Variants in CD1B observed in about 807,000 individuals in gnomAD.
CD1B encodes CD1b molecule.
CD1B carries 43 observed loss-of-function variants against 39.8 expected under a neutral mutation model. The ratio of observed to expected loss-of-function variants is 1.08; its 90% CI spans 0.85 to 1.39. The LOEUF is 1.39. Among genes scored for constraint, CD1B ranks in the 40% most tolerant of loss-of-function variants. The pLI is 0.00. For missense variants in CD1B, 495 were observed against 403.8 expected, an observed-to-expected ratio of 1.23 and a Z score of -1.94; for synonymous variants, 192 against 152.5, an observed-to-expected ratio of 1.26 and a Z score of -1.91.
At chr1:158,291,865 G>A in the CD1B span, among the ~76,000 whole-genome samples, 1 of 151,634 alleles carries the variant, frequency 6.6e-6, no homozygotes, top group East Asian at 1.9e-4. Flanking sequence ...CATCTTCCTT[G>A]GCCACTTTTT....
the CD1B span, among the ~76,000 whole-genome samples, chr1:158,295,693 T>A: frequency 3.3e-5 from 5 of 151,824 alleles, no homozygotes; most frequent in African/African-American, 9.7e-5. Flanking sequence ...CCCCACCCCA[T>A]GTCTGCTGGC....
the CD1B span, among the ~76,000 whole-genome samples, chr1:158,320,693 G>A: frequency 6.6e-6 from 1 of 151,704 alleles, no homozygotes; most frequent in African/African-American, 2.4e-5. Flanking sequence ...CCCTCCATAG[G>A]TTTTTGTGTG....
the CD1B span, among the ~76,000 whole-genome samples, chr1:158,295,628 C>A: frequency 6.6e-6 from 1 of 152,106 alleles, no homozygotes; most frequent in Admixed American, 6.5e-5. Flanking sequence ...GACTATCAGA[C>A]CTGGACAGAA....
At chr1:158,317,552 C>G in the CD1B span, among the ~76,000 whole-genome samples, 1 of 152,100 alleles carries the variant, frequency 6.6e-6, no homozygotes. Flanking sequence ...ATTCTTCTCT[C>G]TTTTTTTCTT....
chr1:158,293,420 T>A, the CD1B span: 1 of 1,612,002 alleles, frequency 6.2e-7, no homozygotes, highest in Non-Finnish European at 8.5e-7. Context: ...ACCTCCAACT[T>A]ATTCAGGGTT....
At chr1:158,305,281 A>G in the CD1B span, among the ~76,000 whole-genome samples, 1 of 152,218 alleles carries the variant, frequency 6.6e-6, no homozygotes, top group East Asian at 1.9e-4. Flanking sequence ...AGAGAACTAC[A>G]TGATGAATAA....
chr1:158,303,993 G>A, the CD1B span, among the ~76,000 whole-genome samples: 26 of 152,122 alleles, frequency 1.7e-4, no homozygotes. Flanking sequence ...AACAGCTCTA[G>A]TCTAGAGCTC....
At chr1:158,288,264 T>C in the CD1B span, among the ~76,000 whole-genome samples, 1 of 152,196 alleles carries the variant, frequency 6.6e-6, no homozygotes, top group Non-Finnish European at 1.5e-5. Context: ...GAAGAGCTCA[T>C]TGAGAATGAC....
the CD1B span, among the ~76,000 whole-genome samples, chr1:158,316,836 A>G: frequency 2.0e-5 from 3 of 151,964 alleles, no homozygotes; most frequent in South Asian, 2.1e-4. Flanking sequence ...CGTCCCATCA[A>G]TACCTAATTT....
the CD1B span, among the ~76,000 whole-genome samples, chr1:158,317,326 G>C: frequency 6.6e-6 from 1 of 152,102 alleles, no homozygotes; most frequent in Non-Finnish European, 1.5e-5. Flanking sequence ...ATTGATTATT[G>C]CCACAATTTC....
chr1:158,298,821 G>A, the CD1B span, among the ~76,000 whole-genome samples: 8 of 152,246 alleles, frequency 5.3e-5, no homozygotes, highest in Non-Finnish European at 8.8e-5. Flanking sequence ...CTGTTTGTCT[G>A]TTATTGGTGT....
chr1:158,319,055 C>T, the CD1B span, among the ~76,000 whole-genome samples: 1 of 151,886 alleles, frequency 6.6e-6, no homozygotes, highest in South Asian at 2.1e-4. Flanking sequence ...ATGGGCTTCC[C>T]TTTGAGGGTA....
chr1:158,330,243 G>T, intron 2 of CD1B, 113 bp from the exon 3 acceptor site: 1 of 935,520 alleles, frequency 1.1e-6, no homozygotes, highest in Non-Finnish European at 1.6e-6. Context: ...GGTGTAAAAT[G>T]ATGATGAGCT....
chr1:158,307,203 AAG>A, the CD1B span, among the ~76,000 whole-genome samples: 1 of 152,208 alleles, frequency 6.6e-6, no homozygotes, highest in African/African-American at 2.4e-5. Context: ...TACAGAAGAA[AAG>A]AGAGCAGAAT....
the CD1B span, among the ~76,000 whole-genome samples, chr1:158,301,142 G>C: frequency 6.6e-6 from 1 of 151,726 alleles, no homozygotes; most frequent in Non-Finnish European, 1.5e-5. Context: ...CCATTTGCTT[G>C]GTAGAGTGTC....
the CD1B span, among the ~76,000 whole-genome samples, chr1:158,300,760 C>CTT: frequency 4.8e-3 from 641 of 134,626 alleles, 12 homozygotes; most frequent in African/African-American, 0.016. Context: ...CTCTCTCTCT[C>CTT]TTTTTTTTTT....
chr1:158,313,711 GT>G, the CD1B span, among the ~76,000 whole-genome samples: 1 of 152,062 alleles, frequency 6.6e-6, no homozygotes, highest in Non-Finnish European at 1.5e-5. Flanking sequence ...CTCTCATTCA[GT>G]TTTTTTGGGG....
chr1:158,302,041 G>A, the CD1B span, among the ~76,000 whole-genome samples: 6 of 151,886 alleles, frequency 4.0e-5, no homozygotes, highest in Non-Finnish European at 8.8e-5. Context: ...CCATCTTGGG[G>A]GAAGTCGCAA....
chr1:158,291,037 C>T, the CD1B span: 1 of 1,271,650 alleles, frequency 7.9e-7, no homozygotes, highest in South Asian at 1.5e-5. Flanking sequence ...ATTAATGTTT[C>T]TCTGTGGTAA....
Sources: gnomAD v4.1 joint callset for allele counts (sites outside exome capture counted in the v4.1 genomes callset) on GRCh38, gnomAD v4.1.1 for gene constraint, MANE v1.5 for transcripts, NCBI Gene and HGNC (gene_info 2026-07-23, HGNC 2026-07-21) for gene names.